Variants in HIVEP1 observed in about 807,000 individuals in gnomAD.
HIVEP1 encodes zinc finger protein 40.
Under a neutral mutation model 180.0 loss-of-function variants are expected in HIVEP1, and 36 were observed. That is an observed-to-expected ratio of 0.20 (90% CI 0.15 to 0.26). The LOEUF (loss-of-function observed/expected upper bound fraction) is 0.26, where lower values mean the gene tolerates loss of function less well. Ranked by LOEUF, HIVEP1 falls within the 10% of genes least tolerant of loss-of-function variation. The pLI is 1.00. For missense variants in HIVEP1, 3,143 were observed against 3,268.7 expected (o/e 0.96, Z 0.94); for synonymous variants, 1,239 against 1,239.0 (o/e 1.00, Z 0.00).
At chr6:12,058,226 G>GA (rs1451459237) in intron 2 of HIVEP1, among the ~76,000 whole-genome samples, 56 of 144,640 alleles carry the variant, frequency 3.9e-4, no homozygotes, top group Middle Eastern at 6.8e-3. Flanking sequence ...CAGTGATTTG[G>GA]AAAAAAAAAA....
chr6:12,074,013 C>A (rs1772163593), intron 2 of HIVEP1, among the ~76,000 whole-genome samples: 1 of 152,166 alleles, frequency 6.6e-6, no homozygotes, highest in Admixed American at 6.5e-5. Flanking sequence ...TGGGTGTGCA[C>A]CATGAGAGCT....
chr6:12,168,113 AT>A (rs1716137756), downstream of HIVEP1, among the ~76,000 whole-genome samples: 1 of 85,010 alleles, frequency 1.2e-5, no homozygotes, highest in Non-Finnish European at 2.5e-5. Context: ...ATATATGTAT[AT>A]TATATATACA....
Position 12,015,619 on chromosome 6 carries a change from G to C in HIVEP1, c.-10G>C. 6.2e-7 allele frequency: 1 copy of C among 1,613,258 alleles called. No homozygotes were observed. Among genetic ancestry groups the C allele is most frequent in the Non-Finnish European group, 8.5e-7 (1 of 1,179,474 alleles). ...TTTAAGAAGAAAAAGAAGGCCCTGA[G>C]TCAAAGAAGATGCCTCGAACTAAAC... On this transcript the variant is annotated 5_prime_UTR_variant, in exon 2 of 9. Coordinates refer to ENST00000379388, the MANE Select transcript of HIVEP1 (RefSeq NM_002114.4).
the HIVEP1 span, among the ~76,000 whole-genome samples, chr6:12,197,932 G>C: frequency 2.0e-5 from 3 of 152,310 alleles, no homozygotes; most frequent in East Asian, 5.8e-4. Context: ...TTTAGATTTG[G>C]GGGTGAGGAA....
chr6:12,142,857 A>G (rs1367766170), intron 7 of HIVEP1, among the ~76,000 whole-genome samples: 2 of 152,226 alleles, frequency 1.3e-5, no homozygotes, highest in Non-Finnish European at 2.9e-5. Context: ...CTCTGAATAG[A>G]CTAATAACAG....
chr6:12,037,802 G>C (rs932449202), intron 2 of HIVEP1: 8 of 444,814 alleles, frequency 1.8e-5, no homozygotes, highest in Middle Eastern at 3.0e-4. Flanking sequence ...CTGGGGACAA[G>C]CTAAGGCTTG....
intron 2 of HIVEP1, among the ~76,000 whole-genome samples, chr6:12,057,780 A>G (rs1770971942): frequency 6.6e-6 from 1 of 152,238 alleles, no homozygotes; most frequent in South Asian, 2.1e-4. Context: ...AGAATGATGA[A>G]TATAAAATTT....
At chr6:12,204,788 A>C in the HIVEP1 span, among the ~76,000 whole-genome samples, 100 of 152,326 alleles carry the variant, frequency 6.6e-4, no homozygotes, top group African/African-American at 2.3e-3. Flanking sequence ...TACCTGTATT[A>C]AAACTTATAT....
chr6:12,140,541 G>C (rs1319973515), intron 7 of HIVEP1, among the ~76,000 whole-genome samples: 1 of 152,176 alleles, frequency 6.6e-6, no homozygotes, highest in Non-Finnish European at 1.5e-5. Context: ...ACAGAAGTAG[G>C]CTTCAGAAGG....
rs1458904805 is a variant in HIVEP1, at chr6:12,015,679, G to A, written c.40+11G>A. The stretch of plus-strand genomic sequence containing the variant: ...CCAGAAATCTAAGAGGTAAAGCATT[G>A]CATTAAGTAGAAGTAAGGCTTGCTG... On this transcript the variant is annotated intron_variant, in intron 2 of 8. Transcript: ENST00000379388. The A allele has an allele frequency of 6.2e-7, 1 of 1,609,786 alleles. No individual in the cohort carries two copies. The highest frequency in any genetic ancestry group is 1.7e-5 in the Admixed American group (1 of 59,742).
At chr6:12,155,344 C>A (rs1019711242) in intron 7 of HIVEP1, among the ~76,000 whole-genome samples, 5 of 152,114 alleles carry the variant, frequency 3.3e-5, no homozygotes, top group Non-Finnish European at 7.4e-5. Flanking sequence ...GCTTGCTGCA[C>A]AAACCATCTC....
At chr6:12,135,684 A>G in intron 6 of HIVEP1, 107 bp from the exon 7 acceptor site, 3 of 708,402 alleles carry the variant, frequency 4.2e-6, no homozygotes, top group Non-Finnish European at 7.5e-6. Context: ...GAGTTGTACG[A>G]CCACAATCTG....
chr6:12,134,719 G>T lies in HIVEP1; in HGVS notation c.6386-1072G>T, dbSNP rs185949821. 7.2e-5 allele frequency among the ~76,000 whole-genome samples: 11 copies of T among 152,294 alleles called. No individual in the cohort carries two copies. In the East Asian group the frequency reaches 2.1e-3, roughly 29 times the overall value. On this transcript the variant is annotated intron_variant, in intron 6 of 8. Transcript: ENST00000379388. ...CTGGAGATGCTTGTTATCCTCAGAA[G>T]AATATGAGCTGTTTCCCCTGGATTC...
At chr6:12,163,002 A>G (rs539506629) in intron 8 of HIVEP1, among the ~76,000 whole-genome samples, 2 of 152,346 alleles carry the variant, frequency 1.3e-5, no homozygotes, top group African/African-American at 4.8e-5. Context: ...TCTGTGTACA[A>G]TATGACAAAA....
chr6:12,027,413 G>T (rs9470769), intron 2 of HIVEP1, among the ~76,000 whole-genome samples: 1 of 152,174 alleles, frequency 6.6e-6, no homozygotes. Context: ...AGTTAGTCTT[G>T]CCAGAAATAT....
chr6:12,177,725 G>T, the HIVEP1 span, among the ~76,000 whole-genome samples: 1 of 152,096 alleles, frequency 6.6e-6, no homozygotes, highest in Admixed American at 6.6e-5. Context: ...ACCACAATGT[G>T]TCTTTCTAAT....
chr6:12,163,716 A>C lies in HIVEP1; in HGVS notation c.7412A>C (p.Gln2471Pro). The change falls in exon 9 of 9, where the codon CAA (glutamine) becomes CCA (proline). Residue 2471 changes from glutamine (Q) to proline (P), a missense_variant. Physicochemically the swap from Gln to Pro is moderately conservative, Grantham distance 76 (BLOSUM62 -1). Coordinates refer to ENST00000379388, the MANE Select transcript of HIVEP1 (RefSeq NM_002114.4). The part of the protein sequence containing the change: ...SSVVPCIPIG[Q>P]IRVPGLQNLS... ...GTTGTGCCATGTATTCCTATCGGCCAAATCCGCGTGCCAGGCCTTCAGAAC... is the reference window on the plus strand; with the variant it reads ...GTTGTGCCATGTATTCCTATCGGCCCAATCCGCGTGCCAGGCCTTCAGAAC... 1 of 1,614,124 alleles carries C rather than the reference A, an allele frequency of 6.2e-7. No individual in the cohort carries two copies. The highest frequency in any genetic ancestry group is 8.5e-7 in the Non-Finnish European group (1 of 1,180,020).
intron 7 of HIVEP1, 96 bp from the exon 8 acceptor site, chr6:12,161,343 T>A (rs1442107328): frequency 5.1e-6 from 6 of 1,181,744 alleles, no homozygotes; most frequent in Admixed American, 2.2e-5. Flanking sequence ...TCTTTTATAA[T>A]CCTTGCAGAG....
At chr6:12,042,418 T>C (rs1368696676) in intron 2 of HIVEP1, among the ~76,000 whole-genome samples, 1 of 146,370 alleles carries the variant, frequency 6.8e-6, no homozygotes, top group Non-Finnish European at 1.5e-5. Context: ...TCTCCCTCTG[T>C]TGCCCAGGCT....
Sources: gnomAD v4.1 joint callset for allele counts (sites outside exome capture counted in the v4.1 genomes callset) on GRCh38, gnomAD v4.1.1 for gene constraint, MANE v1.5 for transcripts, NCBI Gene and HGNC (gene_info 2026-07-23, HGNC 2026-07-21) for gene names.